Variants in STRBP observed in about 807,000 individuals in gnomAD.
STRBP encodes the protein spermatid perinuclear RNA binding protein, also known as spermatid perinuclear RNA-binding protein.
A neutral mutation model predicts 80.1 loss-of-function variants in STRBP; 13 were observed. The observed-to-expected ratio is 0.16, with a 90% confidence interval of 0.11 to 0.26. STRBP has a LOEUF of 0.26. STRBP is among the 10% of genes least tolerant of loss of function. The pLI is 1.00. For missense variants in STRBP, 485 were observed against 815.2 expected (o/e 0.59, Z 4.93); for synonymous variants, 284 against 291.2 (o/e 0.98, Z 0.25).
rs2035633517 is a variant in STRBP, at chr9:123,115,646, T to A, written c.*84+283A>T. On this transcript the variant is annotated intron_variant and NMD_transcript_variant, in intron 3 of 3. Transcript: ENST00000471564. This position sits in a 1 kb window ranked among gnomAD's most constrained non-coding sequence, Gnocchi z 5.0. ...AATGGTTTTTCTCAATAAATCTACG[T>A]GCCCAAGAAGGGAGACATGGTCTTG... 1 of 336,838 alleles carries A rather than the reference T, an allele frequency of 3.0e-6. No homozygotes were observed. Among genetic ancestry groups the A allele is most frequent in the Admixed American group, 4.0e-5 (1 of 24,970 alleles). 20.9% of individuals were successfully genotyped at this position (336,838 alleles called of 1,614,324 possible).
At chr9:123,145,658 C>T (rs865966747) in intron 13 of STRBP, among the ~76,000 whole-genome samples, 9 of 152,160 alleles carry the variant, frequency 5.9e-5, no homozygotes, top group South Asian at 2.1e-4. Context: ...ACAAGCTTTT[C>T]GTGTCAGCTG....
intron 6 of STRBP, among the ~76,000 whole-genome samples, chr9:123,169,371 A>T (rs2037911965): frequency 6.6e-6 from 1 of 151,964 alleles, no homozygotes; most frequent in South Asian, 2.1e-4. Context: ...GGGTTTTGCC[A>T]AGTTGGCCAG....
chr9:123,126,482 G>A lies in STRBP; in HGVS notation c.1943-809C>T, dbSNP rs2035898014. ...GGGGCATCAAATTTCACCAGCTTTG[G>A]AAGTCAGTTATATGGCACGTGGAAG... On this transcript the variant is annotated intron_variant, in intron 18 of 18. Coordinates refer to ENST00000348403, the MANE Select transcript of STRBP (RefSeq NM_018387.5). The surrounding 1 kb of genome is among the most constrained non-coding windows in gnomAD (Gnocchi z 4.4). 6.6e-6 allele frequency among the ~76,000 whole-genome samples: 1 copy of A among 152,122 alleles called. No homozygotes were observed. Among genetic ancestry groups the A allele is most frequent in the African/African-American group, 2.4e-5 (1 of 41,408 alleles).
chr9:123,174,375 C>T (rs1425151038), intron 4 of STRBP, among the ~76,000 whole-genome samples: 1 of 152,212 alleles, frequency 6.6e-6, no homozygotes, highest in Non-Finnish European at 1.5e-5. Context: ...GAGGTTGAGG[C>T]TGCACTGAAC....
intron 1 of STRBP, among the ~76,000 whole-genome samples, chr9:123,267,850 C>A (rs1159115389): frequency 6.8e-6 from 1 of 147,660 alleles, no homozygotes; most frequent in Non-Finnish European, 1.5e-5. Context: ...CCCCTCATTC[C>A]CTCTTGAACC....
intron 1 of STRBP, among the ~76,000 whole-genome samples, chr9:123,245,924 A>G (rs2040791736): frequency 6.6e-6 from 1 of 152,224 alleles, no homozygotes; most frequent in Non-Finnish European, 1.5e-5. Flanking sequence ...AAACAAAAGG[A>G]TTTAGCCCAA....
chr9:123,166,525 G>A (rs547392407), intron 6 of STRBP, among the ~76,000 whole-genome samples: 238 of 152,246 alleles, frequency 1.6e-3, no homozygotes, highest in Non-Finnish European at 2.5e-3. Context: ...AGGCCGAGGC[G>A]GGCAAATTGC....
At chr9:123,249,942 A>G (rs1278271833) in intron 1 of STRBP, among the ~76,000 whole-genome samples, 1 of 152,254 alleles carries the variant, frequency 6.6e-6, no homozygotes, top group Non-Finnish European at 1.5e-5. Flanking sequence ...TGGAAGATCA[A>G]GATAATTCAA....
chr9:123,232,242 C>T (rs1198597123), intron 2 of STRBP, among the ~76,000 whole-genome samples: 4 of 151,996 alleles, frequency 2.6e-5, no homozygotes, highest in African/African-American at 9.7e-5. Context: ...AACCAGGAGG[C>T]GGAGGTTGCA....
At chr9:123,223,840 A>G (rs2040151202) in intron 2 of STRBP, among the ~76,000 whole-genome samples, 1 of 152,178 alleles carries the variant, frequency 6.6e-6, no homozygotes, top group Admixed American at 6.5e-5. Flanking sequence ...GAACAGTTCA[A>G]CATTTCTTTG....
In STRBP at chr9:123,184,250, C is replaced by T. The variant is rs2038608336; in HGVS notation, c.-116G>A. On this transcript the variant is annotated 5_prime_UTR_variant, in exon 3 of 19. Transcript: ENST00000348403. ...CTCATAAGCCTGAGTCCCCTGACAG[C>T]TCAGCGTCAATATAGCAAATGTCTG... The T allele has an allele frequency of 5.1e-6, 5 of 981,420 alleles. No individual in the cohort carries two copies. The South Asian group carries it at 8.9e-5, about 17-fold the overall frequency. 60.8% of individuals were successfully genotyped at this position (981,420 alleles called of 1,614,324 possible).
chr9:123,120,896 A>G (rs1220333043), downstream of STRBP, among the ~76,000 whole-genome samples: 1 of 152,212 alleles, frequency 6.6e-6, no homozygotes, highest in Non-Finnish European at 1.5e-5. Context: ...ACATTATTAA[A>G]TAGTTTATAA....
At chr9:123,210,828 C>A (rs367982546) in intron 2 of STRBP, among the ~76,000 whole-genome samples, 118 of 138,834 alleles carry the variant, frequency 8.5e-4, no homozygotes, top group African/African-American at 1.7e-3. Context: ...GAATCCGTTT[C>A]AAAAAAAAAA....
At chr9:123,152,514 A>G (rs2037100847) in intron 11 of STRBP, among the ~76,000 whole-genome samples, 1 of 152,168 alleles carries the variant, frequency 6.6e-6, no homozygotes, top group South Asian at 2.1e-4. Context: ...AATAAACTCT[A>G]GCTCATTCAT....
rs1316868123 is a variant in STRBP at position 123,115,199 on chromosome 9, ACT to A, written c.*84+728_*84+729del. 4 of 470,284 alleles carry A rather than the reference ACT, an allele frequency of 8.5e-6. No homozygotes were observed. The highest frequency in any genetic ancestry group is 1.6e-5 in the South Asian group (1 of 64,516). The allele number at this position is 470,284 out of a possible 1,614,324, so 29.1% of individuals were successfully genotyped here. A position where few individuals can be genotyped will look rare whatever the true frequency, so the allele number is the denominator to read the frequency against. On this transcript the variant is annotated intron_variant and NMD_transcript_variant, in intron 3 of 3. Transcript: ENST00000471564. The surrounding 1 kb of genome is among the most constrained non-coding windows in gnomAD (Gnocchi z 5.0). Reference sequence around the variant, plus strand: ...CCCTTCACACTCCCCAAGTGGGCACACTCTCTCTGTGCATGCATGCCAGGCCC... The same window carrying A: ...CCCTTCACACTCCCCAAGTGGGCACACTCTCTGTGCATGCATGCCAGGCCC...
rs143567836 is a variant in STRBP at position 123,110,028 on chromosome 9, C to T, written c.*85-275G>A. The T allele has an allele frequency of 0.012, 1,892 of 152,306 alleles. 17 individuals are homozygous for T. The highest frequency in any genetic ancestry group is 0.028 in the African/African-American group (1,166 of 41,542). The allele number at this position is 152,306 out of a possible 1,614,324, so 9.4% of individuals were successfully genotyped here. A position where few individuals can be genotyped will look rare whatever the true frequency, so the allele number is the denominator to read the frequency against. ...AGGAGTCCCATGCCATGTGTGTAAC[C>T]GTGCGGTAGGGAAAGGTTTCTATCC... On this transcript the variant is annotated intron_variant and NMD_transcript_variant, in intron 3 of 3. Transcript: ENST00000471564. This position sits in a 1 kb window ranked among gnomAD's most constrained non-coding sequence, Gnocchi z 4.1.
rs3739829 is a variant in STRBP at position 123,127,662 on chromosome 9, C to A, written c.1942+552G>T. ...ATATTCTAGCATGTACTACAGACTT[C>A]CTGCAGCGAGCACTTAAGTAAGACT... On this transcript the variant is annotated intron_variant, in intron 18 of 18. Transcript: ENST00000348403. Among the ~76,000 whole-genome samples the A allele has an allele frequency of 3.4e-4, 52 of 152,304 alleles. 2 individuals carry two copies. The East Asian group carries it at 9.8e-3, about 29-fold the overall frequency.
intron 17 of STRBP, among the ~76,000 whole-genome samples, chr9:123,130,947 G>A (rs72753290): frequency 6.6e-6 from 1 of 151,658 alleles, no homozygotes; most frequent in Non-Finnish European, 1.5e-5. Context: ...TCTTGCCTGG[G>A]TTAGTAGTCT....
At chr9:123,237,258 T>C (rs112647511) in intron 1 of STRBP, among the ~76,000 whole-genome samples, 8 of 152,304 alleles carry the variant, frequency 5.3e-5, no homozygotes, top group African/African-American at 1.4e-4. Flanking sequence ...AGAAAATTGC[T>C]AACTACCAAA....
Sources: allele counts gnomAD v4.1 joint callset (sites outside exome capture counted in the v4.1 genomes callset), GRCh38; gene constraint gnomAD v4.1.1; non-coding constraint Gnocchi (gnomAD v3.1); transcripts MANE v1.5; gene names NCBI Gene and HGNC (gene_info 2026-07-23, HGNC 2026-07-21).